ITIH2: variants seen among roughly 807,000 people sequenced by gnomAD.
ITIH2 encodes inter-alpha-trypsin inhibitor heavy chain 2.
Under a neutral mutation model 104.4 loss-of-function variants are expected in ITIH2, and 103 were observed. The ratio of observed to expected loss-of-function variants is 0.99; its 90% CI spans 0.84 to 1.16. The LOEUF is 1.16. ITIH2 is among the 50% of genes most tolerant of loss of function. The probability of loss-of-function intolerance (pLI) is 0.00; values close to 1 mark genes in which losing one functional copy is unlikely to be tolerated. For missense variants in ITIH2, 1,108 were observed against 1,162.4 expected, an observed-to-expected ratio of 0.95 and a Z score of 0.68; for synonymous variants, 436 against 435.4, an observed-to-expected ratio of 1.00 and a Z score of -0.02.
At chr10:7,721,917 A>G (rs1447347743) in intron 8 of ITIH2, 140 bp downstream of exon 8, 4 of 792,334 alleles carry the variant, frequency 5.0e-6, no homozygotes, top group Middle Eastern at 5.0e-4. Context: ...CTAAAATCAT[A>G]TTCTTTGAAT....
chr10:7,746,531 A>G (rs1261975735), intron 19 of ITIH2, 62 bp from the exon 20 acceptor site: 2 of 1,120,288 alleles, frequency 1.8e-6, no homozygotes, highest in Admixed American at 3.8e-5. Context: ...GGAGTCAATA[A>G]TGAGCCTCTT....
At position 7,732,378 on chromosome 10, in the gene ITIH2, A is replaced by G; in HGVS notation, c.1688A>G (p.Asp563Gly). 4 of 1,614,112 alleles carry G rather than the reference A, an allele frequency of 2.5e-6. No homozygotes were observed. The South Asian group carries it at 4.4e-5, about 18-fold the overall frequency. Residue 563 changes from aspartate (D) to glycine (G), a missense_variant, in exon 14 of 21, where the codon GAC (aspartate) becomes GGC (glycine). Physicochemically the swap from Asp to Gly is moderately conservative, Grantham distance 94 (BLOSUM62 -1). Transcript: ENST00000358415. Reference protein sequence around the residue: ...QLVLETLAQMDDLQDFLSKDK... With the variant: ...QLVLETLAQMGDLQDFLSKDK... ...GTCTTGGAGACCCTGGCCCAGATGGACGACTTGCAGGATTTTCTATCGAAA... is the reference window on the plus strand; with the variant it reads ...GTCTTGGAGACCCTGGCCCAGATGGGCGACTTGCAGGATTTTCTATCGAAA...
chr10:7,732,620 TC>T, intron 14 of ITIH2, 143 bp downstream of exon 14: 1 of 758,670 alleles, frequency 1.3e-6, no homozygotes, highest in Non-Finnish European at 2.0e-6. Flanking sequence ...TTCCACTAGT[TC>T]TGAACACTTC....
chr10:7,744,655 T>G (rs1283688652), intron 18 of ITIH2, 136 bp from the exon 19 acceptor site: 4 of 708,096 alleles, frequency 5.6e-6, no homozygotes, highest in Non-Finnish European at 9.3e-6. Context: ...CATTTATCTA[T>G]AAACTGTTGC....
chr10:7,741,220 C>T (rs111845724), intron 16 of ITIH2, among the ~76,000 whole-genome samples: 5,779 of 134,886 alleles, frequency 0.043, 171 homozygotes, highest in Non-Finnish European at 0.055. Context: ...CTCTTTTTGC[C>T]TAGGCTGGAG....
intron 4 of ITIH2, among the ~76,000 whole-genome samples, chr10:7,711,235 C>G (rs1834794930): frequency 6.6e-6 from 1 of 152,210 alleles, no homozygotes; most frequent in Admixed American, 6.5e-5. Context: ...AGATGGCTTA[C>G]AGCTTCAACC....
intron 5 of ITIH2, among the ~76,000 whole-genome samples, chr10:7,716,502 G>A (rs1021862857): frequency 2.6e-5 from 4 of 152,058 alleles, no homozygotes; most frequent in Non-Finnish European, 4.4e-5. Context: ...TTCAGAAGTG[G>A]AGGCGGGTGG....
rs141792551 is a variant in ITIH2, at chr10:7,727,668, C to T, written c.1154-35C>T. 1,258 of 1,609,754 alleles carry T rather than the reference C, an allele frequency of 7.8e-4. 8 individuals are homozygous for T. The African/African-American group carries it at 0.013, about 16-fold the overall frequency. On this transcript the variant is annotated intron_variant, in intron 10 of 20. Coordinates refer to ENST00000358415, the MANE Select transcript of ITIH2 (RefSeq NM_002216.3). ...TGGGATTTTCTGCGTGTGGCGAGAA[C>T]GCATACCCAACGTTTCATTATGCTA...
intron 3 of ITIH2, among the ~76,000 whole-genome samples, chr10:7,708,656 T>G (rs1396424906): frequency 6.6e-6 from 1 of 152,076 alleles, no homozygotes; most frequent in Non-Finnish European, 1.5e-5. Context: ...TCCAGTATCC[T>G]CTCCCCAGCT....
intron 11 of ITIH2, 112 bp from the exon 12 acceptor site, chr10:7,729,840 G>A: frequency 1.7e-6 from 1 of 601,566 alleles, no homozygotes; most frequent in Non-Finnish European, 2.8e-6. Context: ...GGTCAAAAGG[G>A]AAATGCAGTT....
In ITIH2 at chr10:7,744,264, C is replaced by G. The variant is rs1309412435; in HGVS notation, c.2392C>G (p.Gln798Glu). The G allele has an allele frequency of 6.2e-7, 1 of 1,613,924 alleles. No homozygotes were observed. The highest frequency in any genetic ancestry group is 1.7e-5 in the Admixed American group (1 of 60,008). Residue 798 changes from glutamine to glutamate, a missense_variant, in exon 18 of 21, where the codon CAA becomes GAA. By Grantham distance (29) the Gln-to-Glu change is conservative. Transcript: ENST00000358415. The part of the protein sequence containing the change: ...TFSLSWSDTA[Q>E]VTNQRVQISV... ...CTCCTTGTCCTGGTCCGACACGGCT[C>G]AAGTCACGAATCAGAGGCAAGTATG...
At chr10:7,731,701 G>A (rs1454749529) in intron 12 of ITIH2, 110 bp from the exon 13 acceptor site, 1 of 791,656 alleles carries the variant, frequency 1.3e-6, no homozygotes, top group African/African-American at 1.8e-5. Context: ...CTCCAGCCTG[G>A]GCAACAGAGT....
intron 8 of ITIH2, among the ~76,000 whole-genome samples, chr10:7,722,478 A>G (rs540083762): frequency 1.3e-5 from 2 of 152,324 alleles, no homozygotes; most frequent in East Asian, 1.9e-4. Flanking sequence ...AGAAAAATCC[A>G]AATTTTCTAA....
At chr10:7,721,852 G>T in intron 8 of ITIH2, 75 bp downstream of exon 8, 1 of 1,533,170 alleles carries the variant, frequency 6.5e-7, no homozygotes, top group East Asian at 2.3e-5. Context: ...AAACTCCCAG[G>T]CCTATGGGTG....
chr10:7,711,975 A>T (rs180986303), intron 4 of ITIH2, among the ~76,000 whole-genome samples: 140 of 152,324 alleles, frequency 9.2e-4, no homozygotes, highest in African/African-American at 3.3e-3. Context: ...GGTAAGGTGT[A>T]TAGAGATGAG....
intron 18 of ITIH2, among the ~76,000 whole-genome samples, 189 bp downstream of exon 18, chr10:7,744,469 T>C (rs147047815): frequency 1.3e-3 from 195 of 152,308 alleles, no homozygotes; most frequent in African/African-American, 3.5e-3. Flanking sequence ...TTGGTCACCG[T>C]TGGGTCCCAG....
intron 3 of ITIH2, 67 bp from the exon 4 acceptor site, chr10:7,708,955 C>T (rs1834771340): frequency 7.8e-7 from 1 of 1,280,678 alleles, no homozygotes. Flanking sequence ...ACATCAAATG[C>T]ACTACATTTG....
At chr10:7,714,550 G>T (rs757944176) in intron 5 of ITIH2, among the ~76,000 whole-genome samples, 5 of 152,086 alleles carry the variant, frequency 3.3e-5, no homozygotes, top group Non-Finnish European at 5.9e-5. Flanking sequence ...CTCACCTGTA[G>T]TTGAAGTTCT....
intron 6 of ITIH2, among the ~76,000 whole-genome samples, chr10:7,719,015 A>C (rs1055528064): frequency 1.3e-5 from 2 of 152,206 alleles, no homozygotes; most frequent in Non-Finnish European, 2.9e-5. Flanking sequence ...GTTTAGTGTA[A>C]GAGGCAGAGC....
Sources: gnomAD v4.1 joint callset for allele counts (sites outside exome capture counted in the v4.1 genomes callset) on GRCh38, gnomAD v4.1.1 for gene constraint, MANE v1.5 for transcripts, NCBI Gene and HGNC (gene_info 2026-07-23, HGNC 2026-07-21) for gene names.